Variants in GABARAPL2 observed in about 807,000 individuals in gnomAD.
GABARAPL2 encodes the protein GABA type A receptor associated protein like 2, also known as gamma-aminobutyric acid receptor-associated protein-like 2.
In GABARAPL2, 11 loss-of-function variants were observed where a neutral mutation model predicts 16.9. The ratio of observed to expected loss-of-function variants is 0.65; its 90% CI spans 0.41 to 1.08. The LOEUF is 1.08. GABARAPL2 is among the 50% of genes least tolerant of loss of function. GABARAPL2 has a pLI of 0.00. For synonymous variants in GABARAPL2, 57 were observed against 50.7 expected (o/e 1.12, Z -0.53); for missense variants, 134 against 142.5 (o/e 0.94, Z 0.30).
intron 3 of GABARAPL2, among the ~76,000 whole-genome samples, chr16:75,573,277 T>C (rs1427433361): frequency 6.6e-5 from 10 of 152,276 alleles, no homozygotes; most frequent in African/African-American, 2.4e-4. Context: ...GAGTTAATTT[T>C]TTTTAAGTCT....
chr16:75,575,362 C>T (rs2080941488), intron 3 of GABARAPL2, among the ~76,000 whole-genome samples: 1 of 151,898 alleles, frequency 6.6e-6, no homozygotes, highest in Non-Finnish European at 1.5e-5. Flanking sequence ...ATGGCACGAT[C>T]TTGGCTCACT....
At chr16:75,569,185 G>A (rs1471228802) in intron 3 of GABARAPL2, among the ~76,000 whole-genome samples, 1 of 152,216 alleles carries the variant, frequency 6.6e-6, no homozygotes, top group Non-Finnish European at 1.5e-5. Context: ...CCTTATTTCT[G>A]TTAAAGGTGG....
intron 3 of GABARAPL2, chr16:75,575,505 A>C (rs1426869887): frequency 6.6e-6 from 1 of 152,368 alleles, no homozygotes; most frequent in Non-Finnish European, 1.5e-5. Flanking sequence ...GCTGGAGTGC[A>C]GTGGCACGAT....
rs184696547 is a variant in GABARAPL2, at chr16:75,577,334, G to A, written c.319G>A (p.Val107Met). The A allele has an allele frequency of 3.7e-6, 6 of 1,612,622 alleles. No homozygotes were observed. The Admixed American group carries it at 5.0e-5, about 13-fold the overall frequency. The change falls in exon 4 of 4, where the codon GTG becomes ATG. Residue 107 changes from valine (V) to methionine (M), a missense_variant. Val to Met is a conservative substitution (Grantham distance 21). Coordinates refer to ENST00000037243, the MANE Select transcript of GABARAPL2 (RefSeq NM_007285.7). ...KEKDEDGFLY[V>M]AYSGENTFGF The stretch of plus-strand genomic sequence containing the variant: ...AAAAGATGAAGATGGATTCTTATAT[G>A]TGGCCTACAGCGGAGAGAACACTTT...
Position 75,572,254 on chromosome 16 carries a change from G to T in GABARAPL2, c.263+4045G>T, listed in dbSNP as rs114994715. On this transcript the variant is annotated intron_variant, in intron 3 of 3. Coordinates refer to ENST00000037243, the MANE Select transcript of GABARAPL2 (RefSeq NM_007285.7). ...CTTATTAACTTTCACTGTGAAGCCA[G>T]TGCCTCTCCAGGATTGACAGTAGTG... 2.3e-3 allele frequency: 350 copies of T among 152,368 alleles called. 1 individual carries two copies. Among genetic ancestry groups the T allele is most frequent in the African/African-American group, 8.1e-3 (336 of 41,588 alleles). The allele number at this position is 152,368 out of a possible 1,614,324, so 9.4% of individuals were successfully genotyped here.
chr16:75,566,795 G>GCCGGGAA (rs1234365598), intron 1 of GABARAPL2, 57 bp from the exon 2 acceptor site: 2 of 1,509,108 alleles, frequency 1.3e-6, no homozygotes, highest in African/African-American at 2.7e-5. Context: ...AGGGCCGGGG[G>GCCGGGAA]CCGGGAACCG....
At chr16:75,572,836 A>C (rs1356209456) in intron 3 of GABARAPL2, among the ~76,000 whole-genome samples, 1 of 152,234 alleles carries the variant, frequency 6.6e-6, no homozygotes, top group Non-Finnish European at 1.5e-5. Context: ...TACTCAGAGC[A>C]GCATCTTTCT....
chr16:75,566,731 G>C lies in GABARAPL2; in HGVS notation c.35-121G>C, dbSNP rs1039796549. 7.5e-6 allele frequency: 8 copies of C among 1,068,908 alleles called. No individual in the cohort carries two copies. In the Admixed American group the frequency reaches 9.2e-5, roughly 12 times the overall value. The allele number at this position is 1,068,908 out of a possible 1,614,324, so 66.2% of individuals were successfully genotyped here. On this transcript the variant is annotated intron_variant, in intron 1 of 3. Coordinates refer to ENST00000037243, the MANE Select transcript of GABARAPL2 (RefSeq NM_007285.7). ...GGAGCTAGTAGGGGACAGGACCGCGGCCCCGGGGACGCCGGAACCAGGGCC... is the reference window on the plus strand; with the variant it reads ...GGAGCTAGTAGGGGACAGGACCGCGCCCCCGGGGACGCCGGAACCAGGGCC...
At chr16:75,571,401 T>C (rs989898462) in intron 3 of GABARAPL2, among the ~76,000 whole-genome samples, 3 of 152,238 alleles carry the variant, frequency 2.0e-5, no homozygotes, top group Non-Finnish European at 4.4e-5. Context: ...GTTTTGGAAA[T>C]GAAAAGTGAT....
intron 3 of GABARAPL2, chr16:75,572,750 T>C (rs2080923355): frequency 6.6e-6 from 1 of 152,244 alleles, no homozygotes; most frequent in Admixed American, 6.5e-5. Flanking sequence ...ATTAGCTCCA[T>C]GGCTTGAATC....
intron 3 of GABARAPL2, among the ~76,000 whole-genome samples, chr16:75,573,882 A>G (rs578136724): frequency 2.6e-5 from 4 of 152,328 alleles, no homozygotes; most frequent in East Asian, 1.9e-4. Flanking sequence ...TCTAGGAACT[A>G]TGGATTATGG....
At chr16:75,574,431 G>A (rs1013179306) in intron 3 of GABARAPL2, among the ~76,000 whole-genome samples, 5 of 152,176 alleles carry the variant, frequency 3.3e-5, no homozygotes, top group African/African-American at 9.7e-5. Flanking sequence ...GAGATGTTAC[G>A]ACAGTTGTCA....
chr16:75,568,562 A>G (rs975048672), intron 3 of GABARAPL2, among the ~76,000 whole-genome samples: 1 of 152,216 alleles, frequency 6.6e-6, no homozygotes, highest in African/African-American at 2.4e-5. Context: ...ATGCTCCTCC[A>G]CTGGGAGCCT....
chr16:75,571,666 C>T (rs1244356139), intron 3 of GABARAPL2, among the ~76,000 whole-genome samples: 1 of 149,306 alleles, frequency 6.7e-6, no homozygotes, highest in Non-Finnish European at 1.5e-5. Context: ...TCTTTAAGGA[C>T]AGGACTTTTT....
chr16:75,570,379 C>G (rs1176638358), intron 3 of GABARAPL2, among the ~76,000 whole-genome samples: 2 of 152,216 alleles, frequency 1.3e-5, no homozygotes, highest in Admixed American at 1.3e-4. Flanking sequence ...CTAAAGCTGG[C>G]TGTGATTCAG....
chr16:75,571,583 T>A (rs1178598588), intron 3 of GABARAPL2, among the ~76,000 whole-genome samples: 1 of 152,058 alleles, frequency 6.6e-6, no homozygotes, highest in Non-Finnish European at 1.5e-5. Flanking sequence ...ATTAATGACT[T>A]CTCACCCCAC....
chr16:75,569,529 ATCT>A (rs536426470), intron 3 of GABARAPL2, among the ~76,000 whole-genome samples: 105 of 152,268 alleles, frequency 6.9e-4, no homozygotes, highest in African/African-American at 2.2e-3. Context: ...TGGGGAGGTA[ATCT>A]TCTTTCATAA....
chr16:75,576,611 T>TA (rs1346626589), intron 3 of GABARAPL2: 2 of 152,348 alleles, frequency 1.3e-5, no homozygotes. Flanking sequence ...TTACTAGTCT[T>TA]ACTCTGGAGC....
chr16:75,573,125 A>G (rs1236645252), intron 3 of GABARAPL2, among the ~76,000 whole-genome samples: 1 of 152,210 alleles, frequency 6.6e-6, no homozygotes, highest in Non-Finnish European at 1.5e-5. Context: ...CTGAGGGGGA[A>G]GTTTAACTTC....
Sources: allele counts gnomAD v4.1 joint callset (sites outside exome capture counted in the v4.1 genomes callset), GRCh38; gene constraint gnomAD v4.1.1; transcripts MANE v1.5; gene names NCBI Gene and HGNC (gene_info 2026-07-23, HGNC 2026-07-21).